CAMTA1: variants seen among roughly 807,000 people sequenced by gnomAD.
The protein encoded by CAMTA1 is calmodulin binding transcription activator 1.
CAMTA1 carries 27 observed loss-of-function variants against 170.9 expected under a neutral mutation model. The ratio of observed to expected loss-of-function variants is 0.16; its 90% CI spans 0.12 to 0.22. CAMTA1 has a LOEUF of 0.22. Ranked by LOEUF, CAMTA1 falls within the 10% of genes least tolerant of loss-of-function variation. The pLI, the probability that CAMTA1 is intolerant of heterozygous loss-of-function variation, is 1.00. For synonymous variants in CAMTA1, 833 were observed against 891.5 expected (o/e 0.93, Z 1.17); for missense variants, 1,619 against 2,217.2 (o/e 0.73, Z 5.42).
chr1:7,122,756 G>T (rs1573240565), intron 4 of CAMTA1, among the ~76,000 whole-genome samples: 2 of 152,094 alleles, frequency 1.3e-5, no homozygotes, highest in African/African-American at 2.4e-5. Context: ...CGCCTCCCAT[G>T]CCCATCTTCA....
rs964662052 is a variant in CAMTA1 at position 7,248,280 on chromosome 1, G to A, written c.303-1211G>A. Among the ~76,000 whole-genome samples the A allele has an allele frequency of 1.3e-5, 2 of 152,192 alleles. No homozygotes were observed. The highest frequency in any genetic ancestry group is 4.8e-5 in the African/African-American group (2 of 41,442). ...AGGGTCTTGCCCCAGCCCTGCGGGG[G>A]ACAGATGGCTGACTTATGGTTTCCT... On this transcript the variant is annotated intron_variant, in intron 4 of 22. Transcript: ENST00000303635. The surrounding 1 kb of genome is among the most constrained non-coding windows in gnomAD (Gnocchi z 4.0).
intron 4 of CAMTA1, among the ~76,000 whole-genome samples, chr1:7,147,946 GCACA>G (rs904139512): frequency 2.2e-5 from 3 of 138,624 alleles, no homozygotes; most frequent in South Asian, 2.3e-4. Context: ...CATATACCAT[GCACA>G]CACACACTCA....
chr1:6,920,451 A>C (rs1243189942), intron 3 of CAMTA1, among the ~76,000 whole-genome samples: 1 of 152,036 alleles, frequency 6.6e-6, no homozygotes, highest in Non-Finnish European at 1.5e-5. Flanking sequence ...TGGCTTTTCC[A>C]GGTGCACTGT....
At chr1:7,331,689 C>T (rs150702280) in intron 5 of CAMTA1, among the ~76,000 whole-genome samples, 268 of 152,252 alleles carry the variant, frequency 1.8e-3, no homozygotes, top group Non-Finnish European at 3.4e-3. Context: ...GAGAGCTGAC[C>T]GTGGTCAGAA....
At chr1:7,320,973 C>T (rs1366635031) in intron 5 of CAMTA1, among the ~76,000 whole-genome samples, 2 of 152,162 alleles carry the variant, frequency 1.3e-5, no homozygotes, top group African/African-American at 4.8e-5. Context: ...CTGTGCCAAA[C>T]CATCCTCAAA....
intron 5 of CAMTA1, among the ~76,000 whole-genome samples, chr1:7,350,361 A>G (rs1426747986): frequency 6.6e-6 from 1 of 152,098 alleles, no homozygotes. Flanking sequence ...GTCCCCTGAG[A>G]CCCTCTATGT....
chr1:7,224,923 C>T lies in CAMTA1; in HGVS notation c.303-24568C>T, dbSNP rs997697359. Among the ~76,000 whole-genome samples the T allele has an allele frequency of 3.3e-5, 5 of 152,196 alleles. No homozygotes were observed. Among genetic ancestry groups the T allele is most frequent in the Non-Finnish European group, 7.3e-5 (5 of 68,034 alleles). ...GTCACATGAGCTGCATCCTTATTGC[C>T]GCAGCCAGCAGATGGCAGAAAGCGC... On this transcript the variant is annotated intron_variant, in intron 4 of 22. Coordinates refer to ENST00000303635, the MANE Select transcript of CAMTA1 (RefSeq NM_015215.4). The surrounding 1 kb of genome is among the most constrained non-coding windows in gnomAD (Gnocchi z 5.2).
intron 9 of CAMTA1, among the ~76,000 whole-genome samples, chr1:7,666,463 C>A (rs2096002782): frequency 6.6e-6 from 1 of 152,232 alleles, no homozygotes; most frequent in African/African-American, 2.4e-5. Flanking sequence ...ACCAAAGCAT[C>A]TTGCCTGAGG....
At chr1:6,897,650 T>G (rs1675931402) in intron 3 of CAMTA1, among the ~76,000 whole-genome samples, 1 of 152,126 alleles carries the variant, frequency 6.6e-6, no homozygotes, top group Non-Finnish European at 1.5e-5. Flanking sequence ...TAATTAGAAG[T>G]TAGTGTGTGC....
Position 7,517,095 on chromosome 1 carries a change from G to A in CAMTA1, c.510+49194G>A, listed in dbSNP as rs139694369. 2.6e-5 allele frequency among the ~76,000 whole-genome samples: 4 copies of A among 152,230 alleles called. No individual in the cohort carries two copies. In the East Asian group the frequency reaches 7.7e-4, roughly 29 times the overall value. On this transcript the variant is annotated intron_variant, in intron 6 of 22. Transcript: ENST00000303635. Reference sequence around the variant, plus strand: ...TAATCTACTTTTTTTGCTGACATGAGCATCTTTTCAAGCTGATGGACATAG... The same window carrying A: ...TAATCTACTTTTTTTGCTGACATGAACATCTTTTCAAGCTGATGGACATAG...
At chr1:6,814,632 C>T (rs1465276155) in intron 1 of CAMTA1, among the ~76,000 whole-genome samples, 1 of 152,128 alleles carries the variant, frequency 6.6e-6, no homozygotes, top group Non-Finnish European at 1.5e-5. Flanking sequence ...CAGTTAGCCT[C>T]CCTAACTATC....
chr1:7,329,531 C>G (rs990643322), intron 5 of CAMTA1, among the ~76,000 whole-genome samples: 2 of 152,086 alleles, frequency 1.3e-5, no homozygotes, highest in African/African-American at 4.8e-5. Context: ...TCTGAAAACT[C>G]TTTTTTATGT....
At chr1:6,894,873 A>G (rs1675298091) in intron 3 of CAMTA1, among the ~76,000 whole-genome samples, 2 of 152,234 alleles carry the variant, frequency 1.3e-5, no homozygotes, top group Admixed American at 6.5e-5. Context: ...CAGGGTAGAA[A>G]AAGTATCTGT....
intron 3 of CAMTA1, among the ~76,000 whole-genome samples, chr1:7,043,883 A>G (rs1290689673): frequency 6.6e-6 from 1 of 152,204 alleles, no homozygotes; most frequent in African/African-American, 2.4e-5. Flanking sequence ...AGTTGCCGGA[A>G]CACAGAGAAA....
intron 3 of CAMTA1, among the ~76,000 whole-genome samples, chr1:6,883,995 C>T (rs1672384218): frequency 6.6e-6 from 1 of 151,858 alleles, no homozygotes; most frequent in African/African-American, 2.4e-5. Context: ...TTTCCATTAC[C>T]TTCTAATTTG....
intron 4 of CAMTA1, among the ~76,000 whole-genome samples, chr1:7,240,500 T>C (rs576984759): frequency 6.6e-6 from 1 of 151,982 alleles, no homozygotes; most frequent in East Asian, 1.9e-4. Flanking sequence ...GGGAGCCTCT[T>C]CAAGTTGGTT....
chr1:7,134,644 C>T (rs1466507721), intron 4 of CAMTA1, among the ~76,000 whole-genome samples: 1 of 152,152 alleles, frequency 6.6e-6, no homozygotes, highest in Non-Finnish European at 1.5e-5. Context: ...TGATGGACAC[C>T]TAGGCTGACT....
chr1:7,739,163 A>G (rs2150021730), intron 16 of CAMTA1, among the ~76,000 whole-genome samples: 1 of 150,578 alleles, frequency 6.6e-6, no homozygotes, highest in Non-Finnish European at 1.5e-5. Flanking sequence ...ACATGTTTGA[A>G]TTCCTCTCTT....
intron 19 of CAMTA1, 93 bp from the exon 20 acceptor site, chr1:7,751,105 AT>A (rs1558299401): frequency 9.7e-7 from 1 of 1,027,904 alleles, no homozygotes; most frequent in South Asian, 1.5e-5. Flanking sequence ...GGGGAAAAGC[AT>A]TTTCTCTTCT....
Sources: gnomAD v4.1 joint callset for allele counts (sites outside exome capture counted in the v4.1 genomes callset) on GRCh38, gnomAD v4.1.1 for gene constraint, Gnocchi (gnomAD v3.1) non-coding constraint, MANE v1.5 for transcripts, NCBI Gene and HGNC (gene_info 2026-07-23, HGNC 2026-07-21) for gene names.